The following PIAS1 variants were observed in gnomAD, a reference collection of about 807,000 sequenced individuals.
PIAS1 encodes the protein E3 SUMO-protein ligase PIAS1.
A neutral mutation model predicts 71.3 loss-of-function variants in PIAS1; 6 were observed. The ratio of observed to expected loss-of-function variants is 0.08; its 90% CI spans 0.05 to 0.17. The LOEUF (loss-of-function observed/expected upper bound fraction) is 0.17. PIAS1 is among the 10% of genes least tolerant of loss of function. PIAS1 has a pLI of 1.00. For missense variants in PIAS1, 555 were observed against 793.6 expected, an observed-to-expected ratio of 0.70 and a Z score of 3.61; for synonymous variants, 303 against 292.9, an observed-to-expected ratio of 1.03 and a Z score of -0.35.
chr15:68,069,183 C>T (rs992455881), intron 1 of PIAS1, among the ~76,000 whole-genome samples: 3 of 152,070 alleles, frequency 2.0e-5, no homozygotes, highest in African/African-American at 4.8e-5. Flanking sequence ...CGTGAGCCAC[C>T]GCACCCGGCC....
intron 2 of PIAS1, among the ~76,000 whole-genome samples, chr15:68,116,381 G>A (rs1003738437): frequency 6.6e-6 from 1 of 151,944 alleles, no homozygotes; most frequent in Non-Finnish European, 1.5e-5. Context: ...ATAAAGGTAC[G>A]CCAAATATTA....
intron 7 of PIAS1, among the ~76,000 whole-genome samples, chr15:68,158,975 T>C (rs2141070549): frequency 6.6e-6 from 1 of 152,306 alleles, no homozygotes; most frequent in South Asian, 2.1e-4. Context: ...AAATACAGCG[T>C]CATGTGAGTA....
intron 2 of PIAS1, among the ~76,000 whole-genome samples, chr15:68,100,652 A>G (rs540021970): frequency 6.6e-6 from 1 of 152,316 alleles, no homozygotes; most frequent in South Asian, 2.1e-4. Context: ...ATAAATTTTT[A>G]TATCTCTGGT....
intron 11 of PIAS1, among the ~76,000 whole-genome samples, chr15:68,177,278 C>T (rs976380573): frequency 1.1e-5 from 1 of 90,874 alleles, no homozygotes; most frequent in Non-Finnish European, 2.1e-5. Context: ...GACTTTGTCT[C>T]AAAAAAAAAA....
intron 2 of PIAS1, among the ~76,000 whole-genome samples, chr15:68,101,897 T>C (rs1469489468): frequency 2.6e-5 from 4 of 152,132 alleles, no homozygotes; most frequent in African/African-American, 9.7e-5. Flanking sequence ...ACTACAGGTG[T>C]GTGCCATCGC....
rs1013198275 is a variant in PIAS1 at position 68,174,412 on chromosome 15, C to G, written c.1169+520C>G. Among the ~76,000 whole-genome samples the G allele has an allele frequency of 1.3e-5, 2 of 152,182 alleles. No homozygotes were observed. The highest frequency in any genetic ancestry group is 1.3e-4 in the Admixed American group (2 of 15,272). ...TGCTTTTAACACCTCTTTGTTTTAT[C>G]TATCCTACCAGACATCTTGGAATGT... On this transcript the variant is annotated intron_variant, in intron 9 of 13. Transcript: ENST00000249636. The surrounding 1 kb of genome is among the most constrained non-coding windows in gnomAD (Gnocchi z 4.0).
At chr15:68,161,700 G>A (rs1329067894) in intron 7 of PIAS1, among the ~76,000 whole-genome samples, 2 of 151,996 alleles carry the variant, frequency 1.3e-5, no homozygotes, top group Non-Finnish European at 2.9e-5. Flanking sequence ...GGAGGCCAAA[G>A]TGGGCAGATA....
intron 2 of PIAS1, among the ~76,000 whole-genome samples, chr15:68,095,450 C>T (rs1465727613): frequency 2.7e-5 from 4 of 150,584 alleles, no homozygotes; most frequent in Non-Finnish European, 5.9e-5. Flanking sequence ...TTTTGGCGAT[C>T]ATTTCTTTCT....
intron 2 of PIAS1, among the ~76,000 whole-genome samples, chr15:68,134,917 G>A (rs1328490652): frequency 5.8e-5 from 3 of 51,930 alleles, no homozygotes; most frequent in Non-Finnish European, 1.5e-4. Flanking sequence ...AGCAGGGGTG[G>A]CTGGGCAGAG....
Position 68,146,613 on chromosome 15 carries a change from C to T in PIAS1, c.741C>T (p.Ser247=). 1 of 1,613,020 alleles carries T rather than the reference C, an allele frequency of 6.2e-7. No homozygotes were observed. Among genetic ancestry groups the T allele is most frequent in the African/African-American group, 1.3e-5 (1 of 74,982 alleles). ...TKNGVEPKRP[S]RPINITSLVR... The stretch of plus-strand genomic sequence containing the variant: ...ATGGCGTGGAACCAAAGCGACCCAG[C>T]CGACCAATTAATATCACCTCACTTG... The change falls in exon 6 of 14, where the codon AGC becomes AGT. Residue 247 remains serine, a synonymous_variant. Transcript: ENST00000249636.
chr15:68,112,812 T>C (rs2092533407), intron 2 of PIAS1, among the ~76,000 whole-genome samples: 2 of 151,020 alleles, frequency 1.3e-5, no homozygotes, highest in South Asian at 4.2e-4. Context: ...TTTAAAATTG[T>C]GTTCGTCTTT....
chr15:68,177,870 C>G (rs189256705), intron 11 of PIAS1, among the ~76,000 whole-genome samples: 1 of 152,204 alleles, frequency 6.6e-6, no homozygotes, highest in African/African-American at 2.4e-5. Context: ...GCAGGAGAAT[C>G]ACATGGCCTG....
At position 68,193,136 on chromosome 15, in the gene PIAS1, C is replaced by T. The variant is rs2093127863; in HGVS notation, c.*5301C>T. On this transcript the variant is annotated 3_prime_UTR_variant, in exon 14 of 14. Transcript: ENST00000249636. ...TGGGGAGGTGGCTTAAGGCAATGAC[C>T]AGTGTGGGCCACTTGAGCAGACCAT... is the stretch of plus-strand genomic sequence containing the variant. The T allele has an allele frequency of 6.6e-6, 1 of 152,258 alleles. No homozygotes were observed. Among genetic ancestry groups the T allele is most frequent in the African/African-American group, 2.4e-5 (1 of 41,448 alleles). The allele number at this position is 152,258 out of a possible 1,614,324, so 9.4% of individuals were successfully genotyped here.
intron 6 of PIAS1, among the ~76,000 whole-genome samples, chr15:68,151,707 C>CACACACACACACAA (rs140053964): frequency 0.19 from 25,165 of 134,214 alleles, 2,812 homozygotes; most frequent in Non-Finnish European, 0.25. Flanking sequence ...CACACACACA[C>CACACACACACACAA]AAATTAGCTA....
At chr15:68,157,341 T>C (rs780525286) in intron 7 of PIAS1, among the ~76,000 whole-genome samples, 5 of 152,194 alleles carry the variant, frequency 3.3e-5, no homozygotes, top group Non-Finnish European at 5.9e-5. Context: ...CAAGACTCTT[T>C]TATCTTTTAA....
intron 1 of PIAS1, chr15:68,061,281 G>C (rs2091956111): frequency 6.6e-6 from 1 of 152,202 alleles, no homozygotes; most frequent in South Asian, 2.1e-4. Context: ...ATCAATTTCA[G>C]AAGTAGTATT....
At chr15:68,151,683 A>ACACACACAC (rs1555431447) in intron 6 of PIAS1, among the ~76,000 whole-genome samples, 1 of 134,762 alleles carries the variant, frequency 7.4e-6, no homozygotes, top group Non-Finnish European at 1.6e-5. Context: ...AAAAAAACAA[A>ACACACACAC]ACACACACAC....
At chr15:68,116,041 C>T (rs2092562356) in intron 2 of PIAS1, among the ~76,000 whole-genome samples, 1 of 151,930 alleles carries the variant, frequency 6.6e-6, no homozygotes, top group South Asian at 2.1e-4. Flanking sequence ...GTACTGGCTT[C>T]ATAGAATGAG....
At chr15:68,145,999 G>T in intron 5 of PIAS1, 93 bp downstream of exon 5, 1 of 803,422 alleles carries the variant, frequency 1.2e-6, no homozygotes, top group Non-Finnish European at 2.2e-6. Context: ...TTTTCCTTAA[G>T]AAAACATTTT....
Sources: allele counts gnomAD v4.1 joint callset (sites outside exome capture counted in the v4.1 genomes callset), GRCh38; gene constraint gnomAD v4.1.1; non-coding constraint Gnocchi (gnomAD v3.1); transcripts MANE v1.5; gene names NCBI Gene and HGNC (gene_info 2026-07-23, HGNC 2026-07-21).